The following NPIPB2 variants were observed in gnomAD, a reference collection of about 807,000 sequenced individuals.
The protein encoded by NPIPB2 is nuclear pore complex-interacting protein family member B2.
NPIPB2 carries 27 observed loss-of-function variants against 30.8 expected under a neutral mutation model. The observed-to-expected ratio is 0.88, with a 90% CI of 0.65 to 1.21. NPIPB2 has a LOEUF of 1.21. Ranked by LOEUF, NPIPB2 falls within the 50% of genes most tolerant of loss-of-function variation. NPIPB2 has a pLI of 0.00. For missense variants in NPIPB2, 440 were observed against 446.2 expected (o/e 0.99, Z 0.13); for synonymous variants, 147 against 162.0 (o/e 0.91, Z 0.70).
At chr16:11,963,383 A>C (rs75975235) in intron 1 of NPIPB2, among the ~76,000 whole-genome samples, 1 of 150,678 alleles carries the variant, frequency 6.6e-6, no homozygotes, top group African/African-American at 2.4e-5. Context: ...TCCAGCTCAA[A>C]AAAAAAAAAA....
At chr16:11,964,893 C>T (rs1330293184) in intron 1 of NPIPB2, among the ~76,000 whole-genome samples, 3 of 152,268 alleles carry the variant, frequency 2.0e-5, no homozygotes, top group South Asian at 2.1e-4. Context: ...GGGCACAGCA[C>T]AGACCTTGTC....
In NPIPB2 at chr16:11,972,450, C is replaced by G. The variant is rs531392445; in HGVS notation, c.-584+4118G>C. 4.6e-5 allele frequency among the ~76,000 whole-genome samples: 7 copies of G among 152,082 alleles called. No individual in the cohort carries two copies. In the South Asian group the frequency reaches 1.5e-3, roughly 32 times the overall value. Reference sequence around the variant, plus strand: ...TTAGCCGGGGCTTGGTAGCATGTGCCTGTAATCCCAGCTACTTTGGAGTGT... The same window carrying G: ...TTAGCCGGGGCTTGGTAGCATGTGCGTGTAATCCCAGCTACTTTGGAGTGT... On this transcript the variant is annotated intron_variant, in intron 1 of 5. Transcript: ENST00000538896.
In NPIPB2 at chr16:11,955,336, C is replaced by T. The variant is rs566749924; in HGVS notation, c.-583-13222G>A. Among the ~76,000 whole-genome samples, 12 of 125,572 alleles carry T rather than the reference C, an allele frequency of 9.6e-5. No homozygotes were observed. The East Asian group carries it at 2.6e-3, about 27-fold the overall frequency. 82.4% of individuals were successfully genotyped at this position (125,572 alleles called of 152,430 possible). On this transcript the variant is annotated intron_variant, in intron 1 of 5. Transcript: ENST00000538896. ...ACCACTGTACTCTAGCCTAGGTGAC[C>T]GAGTGAAACTCTGTGTCAAAAAAAA...
intron 1 of NPIPB2, among the ~76,000 whole-genome samples, chr16:11,969,097 C>T (rs944833077): frequency 1.3e-5 from 2 of 152,056 alleles, no homozygotes; most frequent in African/African-American, 2.4e-5. Context: ...GAACTCCTGA[C>T]CTCAGGTGAT....
upstream of NPIPB2, among the ~76,000 whole-genome samples, chr16:11,946,448 T>G (rs901828471): frequency 1.3e-5 from 2 of 149,848 alleles, no homozygotes; most frequent in East Asian, 3.9e-4. Context: ...GTGCCTTTAG[T>G]CCTAGCCACT....
At chr16:11,962,324 C>A (rs1249790548) in intron 1 of NPIPB2, among the ~76,000 whole-genome samples, 1 of 149,538 alleles carries the variant, frequency 6.7e-6, no homozygotes, top group African/African-American at 2.5e-5. Context: ...CATGGTGAAA[C>A]CCTGTCTCTA....
At chr16:11,927,328 T>A, downstream of NPIPB2, 1 of 807,258 alleles carries the variant, frequency 1.2e-6, no homozygotes, top group Non-Finnish European at 2.1e-6. Flanking sequence ...TTTGTTTTGT[T>A]TTTTGATTTT....
chr16:11,941,792 C>G (rs2054945689), intron 1 of NPIPB2, 191 bp downstream of exon 1: 1 of 1,290,280 alleles, frequency 7.8e-7, no homozygotes, highest in African/African-American at 1.5e-5. Context: ...ATCTCAGTCT[C>G]CCACTCTCCT....
chr16:11,946,549 G>C (rs2055012136), upstream of NPIPB2, among the ~76,000 whole-genome samples: 1 of 151,948 alleles, frequency 6.6e-6, no homozygotes, highest in Non-Finnish European at 1.5e-5. Context: ...CTCCAGCCTG[G>C]GCAACGGAGT....
chr16:11,940,872 A>G (rs2054929690), intron 1 of NPIPB2, among the ~76,000 whole-genome samples: 1 of 148,242 alleles, frequency 6.7e-6, no homozygotes, highest in African/African-American at 2.5e-5. Flanking sequence ...CAGCGGGGCC[A>G]TCTCGGCTCA....
intron 1 of NPIPB2, among the ~76,000 whole-genome samples, chr16:11,947,472 G>A (rs1330547071): frequency 6.6e-6 from 1 of 151,620 alleles, no homozygotes; most frequent in Non-Finnish European, 1.5e-5. Context: ...AGCCTCCCGA[G>A]TAGCTAGGAC....
chr16:11,965,693 TAA>T (rs1395408209), intron 1 of NPIPB2, among the ~76,000 whole-genome samples: 1 of 152,222 alleles, frequency 6.6e-6, no homozygotes, highest in African/African-American at 2.4e-5. Flanking sequence ...CTCTTCTAAT[TAA>T]GTGATATTTA....
At chr16:11,964,844 G>A (rs1023813933) in intron 1 of NPIPB2, among the ~76,000 whole-genome samples, 2 of 152,186 alleles carry the variant, frequency 1.3e-5, no homozygotes, top group African/African-American at 2.4e-5. Flanking sequence ...GATTACAGGT[G>A]TGAACCCCTG....
intron 1 of NPIPB2, among the ~76,000 whole-genome samples, chr16:11,972,886 C>T (rs1197799014): frequency 6.8e-6 from 1 of 147,192 alleles, no homozygotes; most frequent in Admixed American, 6.8e-5. Context: ...AATAGCTGGG[C>T]GTGGAGGCTG....
At chr16:11,943,892 G>A, upstream of NPIPB2, among the ~76,000 whole-genome samples, 1 of 148,392 alleles carries the variant, frequency 6.7e-6, no homozygotes. Context: ...CAGCTATTTG[G>A]GAGGCCGAGG....
chr16:11,951,676 C>CA (rs2055066964), intron 1 of NPIPB2, among the ~76,000 whole-genome samples: 2 of 120,414 alleles, frequency 1.7e-5, no homozygotes, highest in African/African-American at 6.5e-5. Context: ...ACCCAGCCCC[C>CA]AAACAACAAA....
intron 1 of NPIPB2, among the ~76,000 whole-genome samples, chr16:11,963,714 T>C (rs2055171294): frequency 6.6e-6 from 1 of 152,154 alleles, no homozygotes; most frequent in Non-Finnish European, 1.5e-5. Flanking sequence ...TGGACGTCTC[T>C]ATATGGGTAT....
chr16:11,974,783 A>G lies in NPIPB2; in HGVS notation c.-584+1785T>C, dbSNP rs2055258514. 2.6e-5 allele frequency among the ~76,000 whole-genome samples: 4 copies of G among 152,050 alleles called. No individual in the cohort carries two copies. The South Asian group carries it at 6.2e-4, about 24-fold the overall frequency. ...AAAATGGGACGAAACCCTGGACTTC[A>G]TAACAATGTGCAGGGCGCGGTGGCT... On this transcript the variant is annotated intron_variant, in intron 1 of 5. Coordinates refer to the NPIPB2 transcript ENST00000538896.
intron 1 of NPIPB2, among the ~76,000 whole-genome samples, chr16:11,973,234 T>A (rs978173078): frequency 6.6e-6 from 1 of 151,372 alleles, no homozygotes; most frequent in South Asian, 2.1e-4. Context: ...TCGTGAGGCA[T>A]GTCTGGCTCC....
Sources: allele counts gnomAD v4.1 joint callset (sites outside exome capture counted in the v4.1 genomes callset), GRCh38; gene constraint gnomAD v4.1.1; transcripts MANE v1.5; gene names NCBI Gene and HGNC (gene_info 2026-07-23, HGNC 2026-07-21).